Variants in PECAM1 observed in about 807,000 individuals in gnomAD.
The protein encoded by PECAM1 is platelet and endothelial cell adhesion molecule 1.
Under a neutral mutation model 13.8 loss-of-function variants are expected in PECAM1, and 8 were observed. That is an observed-to-expected ratio of 0.58 (90% CI 0.34 to 1.05). PECAM1 has a LOEUF of 1.05. Ranked by LOEUF, PECAM1 falls within the 50% of genes least tolerant of loss-of-function variation. PECAM1 has a pLI of 0.03. For missense variants in PECAM1, 304 were observed against 141.2 expected (o/e 2.15, Z -5.84); for synonymous variants, 136 against 52.6 (o/e 2.58, Z -6.86).
At position 64,369,966 on chromosome 17, in the gene PECAM1, G is replaced by T. The variant is rs2036203721; in HGVS notation, c.751C>A (p.Gln251Lys). ...SPTGMIMEGAQLHIKCTIQVT... is the reference protein window; with the variant it reads ...SPTGMIMEGAKLHIKCTIQVT... ...TGAATGGTGCACTTAATGTGGAGCTGAGCTCCTTCCATGATCATTCCGGTG... is the reference window on the plus strand; with the variant it reads ...TGAATGGTGCACTTAATGTGGAGCTTAGCTCCTTCCATGATCATTCCGGTG... The change falls in exon 5 of 16, where the codon CAG becomes AAG. Residue 251 changes from glutamine (Q) to lysine (K), a missense_variant. Physicochemically the swap from Gln to Lys is moderately conservative, Grantham distance 53. Transcript: ENST00000563924. 2.5e-6 allele frequency: 1 copy of T among 398,474 alleles called. No homozygotes were observed. Among genetic ancestry groups the T allele is most frequent in the Non-Finnish European group, 4.4e-6 (1 of 226,096 alleles). The allele number at this position is 398,474 out of a possible 1,614,324, so 24.7% of individuals were successfully genotyped here.
At chr17:64,347,792 G>A (rs951954743) in intron 13 of PECAM1, among the ~76,000 whole-genome samples, 3 of 148,670 alleles carry the variant, frequency 2.0e-5, no homozygotes, top group Non-Finnish European at 4.4e-5. Flanking sequence ...ATGCAGTGGC[G>A]CAATCTCAGC....
At chr17:64,327,527 G>C (rs375240578) in intron 15 of PECAM1, among the ~76,000 whole-genome samples, 47 of 152,292 alleles carry the variant, frequency 3.1e-4, no homozygotes, top group African/African-American at 7.0e-4. Flanking sequence ...CTCCAGGAAG[G>C]GGGGAGGCGA....
intron 2 of PECAM1, chr17:64,378,745 T>C (rs2036418431): frequency 1.3e-5 from 2 of 152,152 alleles, no homozygotes. Context: ...TCCTGGCTCA[T>C]CATTTACTGT....
rs971660046 is a variant in PECAM1, at chr17:64,363,413, T to G, written c.968-16A>C. The stretch of plus-strand genomic sequence containing the variant: ...GAAAATAGTTCTGAAAAACAGTGAG[T>G]GGGAATGGAGCGAGATGTGTCTGGC... On this transcript the variant is annotated splice_polypyrimidine_tract_variant and intron_variant, in intron 5 of 15. Transcript: ENST00000563924. 3 of 475,244 alleles carry G rather than the reference T, an allele frequency of 6.3e-6. No homozygotes were observed. The highest frequency in any genetic ancestry group is 1.2e-5 in the Non-Finnish European group (3 of 259,100). The allele number at this position is 475,244 out of a possible 1,614,324, so 29.4% of individuals were successfully genotyped here.
chr17:64,347,878 G>A (rs2035619048), intron 13 of PECAM1, among the ~76,000 whole-genome samples: 1 of 151,180 alleles, frequency 6.6e-6, no homozygotes, highest in African/African-American at 2.4e-5. Flanking sequence ...TTACAGGTGT[G>A]CGCCACCAGA....
At chr17:64,346,017 T>C (rs2035557706) in intron 13 of PECAM1, among the ~76,000 whole-genome samples, 1 of 152,124 alleles carries the variant, frequency 6.6e-6, no homozygotes, top group Non-Finnish European at 1.5e-5. Flanking sequence ...CAAGGGGTGA[T>C]TTCAGGACCC....
chr17:64,323,723 T>G lies in PECAM1; in HGVS notation c.*93A>C. The G allele has an allele frequency of 6.8e-7, 1 of 1,479,282 alleles. No homozygotes were observed. The highest frequency in any genetic ancestry group is 9.4e-7 in the Non-Finnish European group (1 of 1,067,314). The allele number at this position is 1,479,282 out of a possible 1,614,324, so 91.6% of individuals were successfully genotyped here. The stretch of plus-strand genomic sequence containing the variant: ...GTTCTGTGGGAGCAGGGCAGGTTCA[T>G]AAATAAGTGCACAGAGGTCTTGAAA... On this transcript the variant is annotated 3_prime_UTR_variant, in exon 16 of 16. Coordinates refer to ENST00000563924, the MANE Select transcript of PECAM1 (RefSeq NM_000442.5).
intron 13 of PECAM1, 148 bp downstream of exon 13, chr17:64,348,112 T>C (rs1264152811): frequency 1.2e-5 from 5 of 400,596 alleles, no homozygotes; most frequent in African/African-American, 8.2e-5. Context: ...CCTTCCAGTC[T>C]TAGCAGGCCG....
intron 14 of PECAM1, among the ~76,000 whole-genome samples, chr17:64,331,870 G>A (rs1405165238): frequency 6.6e-6 from 1 of 152,212 alleles, no homozygotes; most frequent in East Asian, 1.9e-4. Context: ...GATGGTTGCT[G>A]TTCTCGAAGG....
chr17:64,345,743 G>C (rs1315179726), intron 13 of PECAM1, among the ~76,000 whole-genome samples: 2 of 149,828 alleles, frequency 1.3e-5, no homozygotes, highest in Admixed American at 6.7e-5. Flanking sequence ...ATGAGGAAGA[G>C]AGCTTCAGGC....
intron 1 of PECAM1, 26 bp from the exon 2 acceptor site, chr17:64,390,541 G>T: frequency 6.3e-6 from 3 of 474,116 alleles, no homozygotes; most frequent in Non-Finnish European, 1.2e-5. Flanking sequence ...GAAACATGTT[G>T]ATTCCAGAAG....
intron 5 of PECAM1, among the ~76,000 whole-genome samples, chr17:64,365,736 T>G (rs1383239693): frequency 3.3e-5 from 5 of 151,258 alleles, no homozygotes; most frequent in South Asian, 2.1e-4. Flanking sequence ...GATTCCCTAT[T>G]TAATAAATGG....
Position 64,346,123 on chromosome 17 carries a change from T to A in PECAM1, c.2107+2137A>T, listed in dbSNP as rs1023308682. ...GAAAACTACCCCAGGCCTGCCTGGC[T>A]AGGTGGATGCAGCCTGGGGTTAGCC... is the stretch of plus-strand genomic sequence containing the variant. On this transcript the variant is annotated intron_variant, in intron 13 of 15. Coordinates refer to ENST00000563924, the MANE Select transcript of PECAM1 (RefSeq NM_000442.5). Among the ~76,000 whole-genome samples, 28 of 152,216 alleles carry A rather than the reference T, an allele frequency of 1.8e-4. No individual in the cohort carries two copies. In the South Asian group the frequency reaches 5.6e-3, roughly 30 times the overall value.
At position 64,321,683 on chromosome 17, in the gene PECAM1, C is replaced by T. The variant is rs1025681076; in HGVS notation, c.*2133G>A. 36 of 730,824 alleles carry T rather than the reference C, an allele frequency of 4.9e-5. No homozygotes were observed. The highest frequency in any genetic ancestry group is 5.7e-5 in the Non-Finnish European group (31 of 544,490). 45.3% of individuals were successfully genotyped at this position (730,824 alleles called of 1,614,324 possible). On this transcript the variant is annotated 3_prime_UTR_variant, in exon 16 of 16. Transcript: ENST00000563924. Reference sequence around the variant, plus strand: ...AGCTGAGATGGGAGGATCGCTTGAGCCCAGGGGTTCGAGGCTGCGGTGAGC... The same window carrying T: ...AGCTGAGATGGGAGGATCGCTTGAGTCCAGGGGTTCGAGGCTGCGGTGAGC...
chr17:64,333,729 G>A (rs954901909), intron 14 of PECAM1, among the ~76,000 whole-genome samples: 1 of 151,656 alleles, frequency 6.6e-6, no homozygotes, highest in Non-Finnish European at 1.5e-5. Context: ...AGGCTGAGGC[G>A]GGCGGATTGC....
Position 64,323,329 on chromosome 17 carries a change from A to C in PECAM1, c.*487T>G. Reference sequence around the variant, plus strand: ...GGAGGCTGTCTGGTCAGCACTGTGTATTTCCAAAGAACAAGGACTAGCCAA... The same window carrying C: ...GGAGGCTGTCTGGTCAGCACTGTGTCTTTCCAAAGAACAAGGACTAGCCAA... On this transcript the variant is annotated 3_prime_UTR_variant, in exon 16 of 16. Transcript: ENST00000563924. 9.5e-7 allele frequency: 1 copy of C among 1,056,794 alleles called. No homozygotes were observed. The highest frequency in any genetic ancestry group is 1.1e-6 in the Non-Finnish European group (1 of 873,430). The allele number at this position is 1,056,794 out of a possible 1,614,324, so 65.5% of individuals were successfully genotyped here.
At chr17:64,384,311 G>C (rs1302707762) in intron 2 of PECAM1, among the ~76,000 whole-genome samples, 1 of 151,824 alleles carries the variant, frequency 6.6e-6, no homozygotes, top group Admixed American at 6.6e-5. Context: ...AAATATCATC[G>C]ACAAAACAAC....
chr17:64,349,586 T>TAAAAAAAAAAAAAAA (rs1598018601), intron 12 of PECAM1, among the ~76,000 whole-genome samples: 1 of 8,374 alleles, frequency 1.2e-4, no homozygotes. Flanking sequence ...AGACTCTGTA[T>TAAAAAAAAAAAAAAA]CAAAAAAAAA....
intron 14 of PECAM1, among the ~76,000 whole-genome samples, chr17:64,339,447 G>A (rs2143723214): frequency 6.6e-6 from 1 of 152,138 alleles, no homozygotes; most frequent in East Asian, 1.9e-4. Flanking sequence ...AGGAGATTTT[G>A]CTTAACGAAA....
Sources: allele counts gnomAD v4.1 joint callset (sites outside exome capture counted in the v4.1 genomes callset), GRCh38; gene constraint gnomAD v4.1.1; transcripts MANE v1.5; gene names NCBI Gene and HGNC (gene_info 2026-07-23, HGNC 2026-07-21).